EVL: variants seen among roughly 807,000 people sequenced by gnomAD.
The protein encoded by EVL is Enah/Vasp-like.
EVL carries 21 observed loss-of-function variants against 59.6 expected under a neutral mutation model. That is an observed-to-expected ratio of 0.35 (90% confidence interval 0.25 to 0.51). The LOEUF (loss-of-function observed/expected upper bound fraction) is 0.51, where lower values mean the gene tolerates loss of function less well. Ranked by LOEUF, EVL falls within the 20% of genes least tolerant of loss-of-function variation. EVL has a pLI of 0.97. For missense variants in EVL, 462 were observed against 546.6 expected (o/e 0.85, Z 1.54); for synonymous variants, 198 against 203.5 (o/e 0.97, Z 0.23).
At chr14:100,102,548 G>C in intron 3 of EVL, 1 of 357,478 alleles carries the variant, frequency 2.8e-6, no homozygotes, top group East Asian at 7.6e-5. Context: ...ATGTTGGTGG[G>C]TCACAGATTC....
intron 1 of EVL, among the ~76,000 whole-genome samples, chr14:100,067,267 G>C (rs764304564): frequency 6.6e-6 from 1 of 152,218 alleles, no homozygotes; most frequent in Non-Finnish European, 1.5e-5. Flanking sequence ...GACACATGGG[G>C]ATACCGTGGC....
intron 1 of EVL, among the ~76,000 whole-genome samples, chr14:100,072,464 A>AC (rs2062068759): frequency 6.6e-6 from 1 of 152,134 alleles, no homozygotes; most frequent in Non-Finnish European, 1.5e-5. Context: ...CGAACTCCTG[A>AC]TCTCAGGTGA....
chr14:99,994,622 G>T (rs2060900451), intron 1 of EVL, among the ~76,000 whole-genome samples: 1 of 152,070 alleles, frequency 6.6e-6, no homozygotes, highest in Non-Finnish European at 1.5e-5. Flanking sequence ...TCCATTAACA[G>T]ACTTATAGTT....
chr14:100,056,044 T>C (rs931914424), intron 1 of EVL, among the ~76,000 whole-genome samples: 11 of 152,088 alleles, frequency 7.2e-5, no homozygotes, highest in African/African-American at 2.4e-4. Context: ...ACTCCTGACC[T>C]CACGATCCGC....
At chr14:99,999,743 C>T (rs1301163117) in intron 1 of EVL, among the ~76,000 whole-genome samples, 1 of 152,124 alleles carries the variant, frequency 6.6e-6, no homozygotes, top group East Asian at 1.9e-4. Flanking sequence ...TCTGTGGACC[C>T]CTGGAGCTTA....
intron 1 of EVL, among the ~76,000 whole-genome samples, chr14:100,019,060 G>A (rs1434278206): frequency 1.3e-5 from 2 of 152,218 alleles, no homozygotes; most frequent in East Asian, 1.9e-4. Flanking sequence ...CATAAAATGC[G>A]ACTTGTGATT....
Position 99,979,981 on chromosome 14 carries a change from T to C in EVL, c.5+7924T>C, listed in dbSNP as rs1466778939. ...CCCCTAAACAATAAAGTATAACAACTATTTATATAGCATTTGCATTGTATT... is the reference window on the plus strand; with the variant it reads ...CCCCTAAACAATAAAGTATAACAACCATTTATATAGCATTTGCATTGTATT... On this transcript the variant is annotated intron_variant, in intron 1 of 13. Coordinates refer to the EVL transcript ENST00000402714. Among the ~76,000 whole-genome samples the C allele has an allele frequency of 2.0e-5, 3 of 152,268 alleles. No individual in the cohort carries two copies. In the East Asian group the frequency reaches 5.8e-4, roughly 29 times the overall value.
intron 1 of EVL, among the ~76,000 whole-genome samples, chr14:100,010,593 C>T (rs755977892): frequency 3.0e-4 from 46 of 152,248 alleles, no homozygotes; most frequent in Admixed American, 1.8e-3. Context: ...GACAGGGTTT[C>T]GCCATGTTGG....
intron 9 of EVL, among the ~76,000 whole-genome samples, chr14:100,136,747 G>C (rs1888819124): frequency 6.6e-6 from 1 of 152,142 alleles, no homozygotes; most frequent in African/African-American, 2.4e-5. Context: ...GTCTTGATTT[G>C]CCAGGATGCA....
At chr14:100,053,880 G>A (rs568100075) in intron 1 of EVL, among the ~76,000 whole-genome samples, 1 of 151,946 alleles carries the variant, frequency 6.6e-6, no homozygotes, top group Non-Finnish European at 1.5e-5. Context: ...AAACTCCTGG[G>A]CTCAAGCAAT....
intron 1 of EVL, among the ~76,000 whole-genome samples, chr14:100,027,208 CTG>C (rs2061229067): frequency 6.6e-6 from 1 of 152,140 alleles, no homozygotes; most frequent in African/African-American, 2.4e-5. Flanking sequence ...ATCAGGGTAA[CTG>C]GAATGCCCAT....
chr14:100,126,587 CT>C (rs1313500186), intron 4 of EVL, 119 bp from the exon 5 acceptor site: 4 of 1,017,674 alleles, frequency 3.9e-6, no homozygotes, highest in Non-Finnish European at 6.0e-6. Context: ...CACAGTGGCG[CT>C]TGTGGAGCGC....
At chr14:100,051,612 G>C (rs994115822) in intron 1 of EVL, among the ~76,000 whole-genome samples, 2 of 152,078 alleles carry the variant, frequency 1.3e-5, no homozygotes, top group Non-Finnish European at 2.9e-5. Flanking sequence ...CGTACCTCTG[G>C]TTCTTGTTTT....
chr14:100,139,803 C>G (rs1312749208), intron 11 of EVL: 1 of 152,220 alleles, frequency 6.6e-6, no homozygotes, highest in African/African-American at 2.4e-5. Flanking sequence ...AGGCCACATA[C>G]GTTTCCCTGA....
chr14:100,118,351 A>G (rs1887483055), intron 3 of EVL, among the ~76,000 whole-genome samples: 2 of 152,234 alleles, frequency 1.3e-5, no homozygotes, highest in Admixed American at 1.3e-4. Context: ...TGAAGATGGC[A>G]GTACCTTGCT....
intron 3 of EVL, 21 bp from the exon 4 acceptor site, chr14:100,123,518 T>A (rs376769645): frequency 9.3e-6 from 15 of 1,613,550 alleles, no homozygotes; most frequent in Non-Finnish European, 1.1e-5. Context: ...CCACACTGTT[T>A]CTGTGCTTCT....
chr14:100,099,097 C>T (rs1886013236), intron 3 of EVL, among the ~76,000 whole-genome samples: 1 of 146,312 alleles, frequency 6.8e-6, no homozygotes, highest in South Asian at 2.1e-4. Context: ...AATCCTAACA[C>T]TTTGAGAGAC....
chr14:100,093,464 A>G (rs1456612027), intron 2 of EVL, among the ~76,000 whole-genome samples: 1 of 152,138 alleles, frequency 6.6e-6, no homozygotes, highest in African/African-American at 2.4e-5. Context: ...CCTTGTACCT[A>G]GTATGCTTGT....
chr14:100,103,770 C>T (rs969500958), intron 3 of EVL, among the ~76,000 whole-genome samples: 2 of 152,174 alleles, frequency 1.3e-5, no homozygotes, highest in South Asian at 4.1e-4. Flanking sequence ...ACCTGGATCC[C>T]CATTGGATCC....
Sources: gnomAD v4.1 joint callset for allele counts (sites outside exome capture counted in the v4.1 genomes callset) on GRCh38, gnomAD v4.1.1 for gene constraint, MANE v1.5 for transcripts, NCBI Gene and HGNC (gene_info 2026-07-23, HGNC 2026-07-21) for gene names.